BCLAF1: variants seen among roughly 807,000 people sequenced by gnomAD.
BCLAF1 encodes the protein bcl-2-associated transcription factor 1.
BCLAF1 carries 10 observed loss-of-function variants against 99.5 expected under a neutral mutation model. The ratio of observed to expected loss-of-function variants is 0.10; its 90% confidence interval spans 0.06 to 0.17. The LOEUF (loss-of-function observed/expected upper bound fraction) is 0.17, where lower values mean the gene tolerates loss of function less well. Ranked by LOEUF, BCLAF1 falls within the 10% of genes least tolerant of loss-of-function variation. The probability of loss-of-function intolerance (pLI) is 1.00; values close to 1 mark genes in which losing one functional copy is unlikely to be tolerated. For synonymous variants in BCLAF1, 255 were observed against 370.9 expected (o/e 0.69, Z 3.59); for missense variants, 636 against 1,105.8 (o/e 0.58, Z 6.02).
At chr6:136,266,589 A>G (rs543135381) in intron 11 of BCLAF1, among the ~76,000 whole-genome samples, 1 of 152,196 alleles carries the variant, frequency 6.6e-6, no homozygotes, top group African/African-American at 2.4e-5. Flanking sequence ...TTCTCCAATG[A>G]AAGTTGACAG....
chr6:136,287,750 C>A (rs956879126), intron 1 of BCLAF1, among the ~76,000 whole-genome samples: 3 of 152,194 alleles, frequency 2.0e-5, no homozygotes, highest in African/African-American at 7.2e-5. Flanking sequence ...TCAACCGAGG[C>A]CAGGCGCAGG....
In BCLAF1 at chr6:136,278,245, A is replaced by T. The variant is rs757739104; in HGVS notation, c.636T>A (p.Ile212=). 8 of 1,614,182 alleles carry T rather than the reference A, an allele frequency of 5.0e-6. No individual in the cohort carries two copies. In the Admixed American group the frequency reaches 1.3e-4, roughly 27 times the overall value. The change falls in exon 4 of 13, where the codon ATT becomes ATA. Residue 212 remains isoleucine, a synonymous_variant. Transcript: ENST00000531224. The part of the protein sequence containing the change: ...FNKSSATSGD[I]WPGLSAYDNS... The stretch of plus-strand genomic sequence containing the variant: ...TATCATAAGCTGAAAGGCCAGGCCA[A>T]ATATCACCGGATGTGGCTGATGACT...
At position 136,276,611 on chromosome 6, in the gene BCLAF1, G is replaced by T. The variant is rs1783451997; in HGVS notation, c.1017-103C>A. The stretch of plus-strand genomic sequence containing the variant: ...CCAATCCCTCAGGACCAGCAAGAGA[G>T]AAAATAACCCTATTGAAAAGTGCTT... On this transcript the variant is annotated intron_variant, in intron 4 of 12. Transcript: ENST00000531224. 6 of 1,347,100 alleles carry T rather than the reference G, an allele frequency of 4.5e-6. No individual in the cohort carries two copies. In the South Asian group the frequency reaches 9.0e-5, roughly 20 times the overall value. 83.4% of individuals were successfully genotyped at this position (1,347,100 alleles called of 1,614,324 possible). A position where few individuals can be genotyped will look rare whatever the true frequency, so the allele number is the denominator to read the frequency against.
intron 1 of BCLAF1, among the ~76,000 whole-genome samples, chr6:136,283,998 T>C (rs1326393432): frequency 6.6e-6 from 1 of 151,848 alleles, no homozygotes; most frequent in East Asian, 1.9e-4. Context: ...CATAAAACTA[T>C]TCTGACCTGG....
chr6:136,287,553 T>C (rs542254552), intron 1 of BCLAF1, among the ~76,000 whole-genome samples: 1 of 152,286 alleles, frequency 6.6e-6, no homozygotes, highest in African/African-American at 2.4e-5. Flanking sequence ...ATTTGGTAAA[T>C]AACAAATCAC....
At chr6:136,273,504 C>A (rs2128477338) in intron 6 of BCLAF1, 1 of 205,564 alleles carries the variant, frequency 4.9e-6, no homozygotes, top group South Asian at 9.6e-5. Flanking sequence ...TCTATGGATG[C>A]TCTAATACCT....
intron 9 of BCLAF1, 38 bp from the exon 10 acceptor site, chr6:136,268,377 A>G: frequency 6.5e-7 from 1 of 1,535,566 alleles, no homozygotes; most frequent in South Asian, 1.2e-5. Context: ...GATACTTTTA[A>G]AAAGATAAAG....
chr6:136,283,877 T>C (rs919554534), intron 1 of BCLAF1, among the ~76,000 whole-genome samples: 3 of 151,948 alleles, frequency 2.0e-5, no homozygotes, highest in African/African-American at 7.3e-5. Flanking sequence ...CCAAGCAAGA[T>C]TGGGTACAAA....
rs578223533 is a variant in BCLAF1 at position 136,280,683 on chromosome 6, T to G, written c.-10-807A>C. On this transcript the variant is annotated intron_variant, in intron 2 of 12. Coordinates refer to ENST00000531224, the MANE Select transcript of BCLAF1 (RefSeq NM_014739.3). ...ATCCAATGCTATAATTAGACCTCAT[T>G]GGGTACAGAAATCAGTAACTGTCAA... Among the ~76,000 whole-genome samples, 8 of 152,296 alleles carry G rather than the reference T, an allele frequency of 5.3e-5. No individual in the cohort carries two copies. In the East Asian group the frequency reaches 1.5e-3, roughly 29 times the overall value.
intron 8 of BCLAF1, among the ~76,000 whole-genome samples, chr6:136,271,210 T>C (rs540119583): frequency 6.6e-6 from 1 of 151,966 alleles, no homozygotes; most frequent in East Asian, 1.9e-4. Context: ...CCAAATATCA[T>C]GTAGATAGTA....
chr6:136,282,442 T>C (rs957893310), intron 2 of BCLAF1, 142 bp downstream of exon 2: 5 of 152,170 alleles, frequency 3.3e-5, no homozygotes, highest in African/African-American at 1.2e-4. Context: ...TCTGACTTAC[T>C]TCATACAAGC....
intron 2 of BCLAF1, among the ~76,000 whole-genome samples, chr6:136,280,889 T>G (rs999819822): frequency 2.6e-5 from 4 of 152,180 alleles, no homozygotes; most frequent in African/African-American, 9.7e-5. Context: ...TCAAAAAGTA[T>G]TCATTTCAAT....
rs760782325 is a variant in BCLAF1, at chr6:136,277,963, T to C, written c.918A>G (p.Ala306=). 4.4e-6 allele frequency: 7 copies of C among 1,607,040 alleles called. No individual in the cohort carries two copies. Among genetic ancestry groups the C allele is most frequent in the South Asian group, 3.3e-5 (3 of 90,608 alleles). Residue 306 remains alanine, a synonymous_variant, in exon 4 of 13, where the codon GCA becomes GCG. Transcript: ENST00000531224. ...ACTCATCTCTTGGAGCATTCTGTGG[T>C]GCGATTGTCTTTGCAGGACTTCTTC... ...PSRRSPAKTI[A]PQNAPRDESR... is the part of the protein sequence containing the mutation.
chr6:136,289,458 T>C (rs868620498), intron 1 of BCLAF1, among the ~76,000 whole-genome samples: 1 of 151,948 alleles, frequency 6.6e-6, no homozygotes, highest in African/African-American at 2.4e-5. Context: ...GCGCGGGCTG[T>C]GGGTCTCCAG....
At chr6:136,276,898 TTATC>T (rs1382446938) in intron 4 of BCLAF1, among the ~76,000 whole-genome samples, 1 of 152,196 alleles carries the variant, frequency 6.6e-6, no homozygotes, top group Non-Finnish European at 1.5e-5. Flanking sequence ...ATTCCAGATA[TTATC>T]TATTAATATA....
At chr6:136,264,882 T>C (rs181252866) in intron 11 of BCLAF1, among the ~76,000 whole-genome samples, 60 of 152,262 alleles carry the variant, frequency 3.9e-4, no homozygotes, top group African/African-American at 1.4e-3. Context: ...AAAAGCAACA[T>C]GTAAAAATAT....
In BCLAF1 at chr6:136,273,112, C is replaced by G. The variant is rs1782762144; in HGVS notation, c.1928G>C (p.Ser643Thr). Residue 643 changes from serine (S) to threonine (T), a missense_variant, in exon 7 of 13, where the codon AGT (serine) becomes ACT (threonine). Transcript: ENST00000531224. ...TATTTCAGGGCTCTTTTGCCGAGTA[C>G]TATGTTCTTCAGTGGCTTTCTGATA... Reference protein sequence around the residue: ...TSYQKATEEHSTRQKSPEIHR... With the variant: ...TSYQKATEEHTTRQKSPEIHR... 6.2e-7 allele frequency: 1 copy of G among 1,611,982 alleles called. No individual in the cohort carries two copies. Among genetic ancestry groups the G allele is most frequent in the Non-Finnish European group, 8.5e-7 (1 of 1,178,540 alleles).
At chr6:136,262,701 T>C (rs1485522747) in intron 11 of BCLAF1, among the ~76,000 whole-genome samples, 1 of 152,184 alleles carries the variant, frequency 6.6e-6, no homozygotes, top group Admixed American at 6.5e-5. Context: ...CGGCAGAGTT[T>C]ATTACAAACC....
chr6:136,280,549 G>T (rs1784241328), intron 2 of BCLAF1, among the ~76,000 whole-genome samples: 1 of 151,686 alleles, frequency 6.6e-6, no homozygotes, highest in Non-Finnish European at 1.5e-5. Context: ...GATTTAAAAA[G>T]AATAAAAGAT....
Sources: allele counts gnomAD v4.1 joint callset (sites outside exome capture counted in the v4.1 genomes callset), GRCh38; gene constraint gnomAD v4.1.1; transcripts MANE v1.5; gene names NCBI Gene and HGNC (gene_info 2026-07-23, HGNC 2026-07-21).